The following EDARADD variants were observed in gnomAD, a reference collection of about 807,000 sequenced individuals.
EDARADD encodes ectodysplasin-A receptor-associated adapter protein.
In EDARADD, 20 loss-of-function variants were observed where a neutral mutation model predicts 25.6. That is an observed-to-expected ratio of 0.78 (90% CI 0.55 to 1.14). The LOEUF (loss-of-function observed/expected upper bound fraction) is 1.14, where lower values mean the gene tolerates loss of function less well. Ranked by LOEUF, EDARADD falls within the 50% of genes most tolerant of loss-of-function variation. The pLI, the probability that EDARADD is intolerant of heterozygous loss-of-function variation, is 0.00. For missense variants in EDARADD, 225 were observed against 270.1 expected (o/e 0.83, Z 1.17); for synonymous variants, 86 against 94.4 (o/e 0.91, Z 0.52).
chr1:236,424,902 C>T (rs186060074), intron 3 of EDARADD, among the ~76,000 whole-genome samples: 1 of 152,302 alleles, frequency 6.6e-6, no homozygotes, highest in Admixed American at 6.5e-5. Context: ...TGGATTTTTT[C>T]CTGTCTTGTA....
At chr1:236,411,213 A>T (rs1657469533) in intron 2 of EDARADD, among the ~76,000 whole-genome samples, 1 of 152,118 alleles carries the variant, frequency 6.6e-6, no homozygotes, top group South Asian at 2.1e-4. Flanking sequence ...TGTCCCTCTT[A>T]CTAGTTTCTT....
chr1:236,443,327 G>A (rs1301189403), intron 4 of EDARADD, among the ~76,000 whole-genome samples: 1 of 152,126 alleles, frequency 6.6e-6, no homozygotes, highest in Non-Finnish European at 1.5e-5. Flanking sequence ...AATACATTTG[G>A]TAAGACTAAA....
At chr1:236,349,947 A>C (rs1381647550) in intron 2 of EDARADD, among the ~76,000 whole-genome samples, 1 of 152,160 alleles carries the variant, frequency 6.6e-6, no homozygotes, top group Non-Finnish European at 1.5e-5. Flanking sequence ...CCATGTCTCT[A>C]CTAAAAATAC....
At chr1:236,384,500 C>T (rs1224487927) in intron 3 of EDARADD, among the ~76,000 whole-genome samples, 1 of 152,108 alleles carries the variant, frequency 6.6e-6, no homozygotes, top group Non-Finnish European at 1.5e-5. Flanking sequence ...AAGGGATCTG[C>T]CCACCTCAGC....
At chr1:236,434,230 T>G (rs1187222733) in intron 4 of EDARADD, among the ~76,000 whole-genome samples, 1 of 151,614 alleles carries the variant, frequency 6.6e-6, no homozygotes, top group Non-Finnish European at 1.5e-5. Flanking sequence ...CTTAAAACAT[T>G]ATGAATTTTT....
At chr1:236,382,451 G>A (rs1667312240) in intron 3 of EDARADD, among the ~76,000 whole-genome samples, 1 of 152,078 alleles carries the variant, frequency 6.6e-6, no homozygotes, top group South Asian at 2.1e-4. Flanking sequence ...TCCATTCTGG[G>A]TCTGTTTCAA....
At chr1:236,363,000 A>ATATATATATAT (rs1158321993) in intron 3 of EDARADD, among the ~76,000 whole-genome samples, 14 of 57,274 alleles carry the variant, frequency 2.4e-4, no homozygotes, top group East Asian at 1.6e-3. Flanking sequence ...AAAAAAAAAA[A>ATATATATATAT]AAAAAAATAT....
intron 4 of EDARADD, among the ~76,000 whole-genome samples, chr1:236,454,741 C>G (rs1230158160): frequency 6.6e-6 from 1 of 152,206 alleles, no homozygotes; most frequent in Non-Finnish European, 1.5e-5. Flanking sequence ...CGCCAGATGC[C>G]CAGCTTGTCT....
intron 3 of EDARADD, among the ~76,000 whole-genome samples, chr1:236,363,908 G>A (rs550128231): frequency 7.9e-5 from 12 of 151,926 alleles, no homozygotes; most frequent in Non-Finnish European, 1.2e-4. Flanking sequence ...GCTCACACCC[G>A]CAATCCCAGC....
At chr1:236,356,932 A>G (rs1028734899) in intron 3 of EDARADD, among the ~76,000 whole-genome samples, 6 of 151,966 alleles carry the variant, frequency 3.9e-5, no homozygotes, top group African/African-American at 1.5e-4. Flanking sequence ...AAAAATACAA[A>G]AATTAGCCGG....
At chr1:236,381,876 C>T (rs1667305304) in intron 3 of EDARADD, among the ~76,000 whole-genome samples, 1 of 118,184 alleles carries the variant, frequency 8.5e-6, no homozygotes, top group South Asian at 2.9e-4. Context: ...AACTCTTGGG[C>T]TCAAGCCATC....
At chr1:236,461,111 C>T (rs566988422) in intron 4 of EDARADD, among the ~76,000 whole-genome samples, 7 of 152,228 alleles carry the variant, frequency 4.6e-5, no homozygotes, top group African/African-American at 7.2e-5. Context: ...CATGAGCCAC[C>T]GTGCCCAGCC....
At chr1:236,477,344 T>C (rs753553222) in intron 5 of EDARADD, among the ~76,000 whole-genome samples, 7 of 151,736 alleles carry the variant, frequency 4.6e-5, no homozygotes, top group Non-Finnish European at 1.0e-4. Context: ...TGAAACCCCG[T>C]CTCTACTAAA....
chr1:236,484,193 A>C lies in EDARADD; in HGVS notation c.*1544A>C. On this transcript the variant is annotated 3_prime_UTR_variant, in exon 6 of 6. Coordinates refer to ENST00000334232, the MANE Select transcript of EDARADD (RefSeq NM_145861.4). The surrounding 1 kb of genome is among the most constrained non-coding windows in gnomAD (Gnocchi z 4.1). ...AGAAGTGCAACTGCCTCCTGCTCAAAGTGAACCAGATTCGCTCTGTGACTG... is the reference window on the plus strand; with the variant it reads ...AGAAGTGCAACTGCCTCCTGCTCAACGTGAACCAGATTCGCTCTGTGACTG... The C allele has an allele frequency of 9.0e-7, 1 of 1,110,912 alleles. No individual in the cohort carries two copies. The highest frequency in any genetic ancestry group is 1.4e-6 in the Non-Finnish European group (1 of 721,720). 68.8% of individuals were successfully genotyped at this position (1,110,912 alleles called of 1,614,324 possible).
intron 1 of EDARADD, among the ~76,000 whole-genome samples, chr1:236,402,713 T>C (rs1260470596): frequency 1.3e-5 from 2 of 152,008 alleles, no homozygotes; most frequent in African/African-American, 4.8e-5. Flanking sequence ...CACCTGGCCA[T>C]GAGGCACTTC....
chr1:236,401,130 G>A (rs113832934), intron 1 of EDARADD, among the ~76,000 whole-genome samples: 122 of 151,894 alleles, frequency 8.0e-4, no homozygotes, highest in African/African-American at 2.8e-3. Flanking sequence ...AGGTTGCAGT[G>A]AGCTGAGATC....
At chr1:236,432,694 G>A (rs1658129810) in intron 4 of EDARADD, among the ~76,000 whole-genome samples, 1 of 152,006 alleles carries the variant, frequency 6.6e-6, no homozygotes, top group African/African-American at 2.4e-5. Context: ...AGACCAGCCT[G>A]GCCAACACAG....
intron 4 of EDARADD, among the ~76,000 whole-genome samples, chr1:236,451,993 T>A (rs1658725538): frequency 6.6e-6 from 1 of 152,178 alleles, no homozygotes; most frequent in Non-Finnish European, 1.5e-5. Flanking sequence ...CTGGTGCATG[T>A]GACCCATGGA....
intron 3 of EDARADD, among the ~76,000 whole-genome samples, chr1:236,416,562 A>G (rs763276429): frequency 1.9e-4 from 29 of 152,216 alleles, no homozygotes; most frequent in African/African-American, 4.3e-4. Context: ...ATGAATTTAT[A>G]AGTAACGTGA....
Sources: allele counts gnomAD v4.1 joint callset (sites outside exome capture counted in the v4.1 genomes callset), GRCh38; gene constraint gnomAD v4.1.1; non-coding constraint Gnocchi (gnomAD v3.1); transcripts MANE v1.5; gene names NCBI Gene and HGNC (gene_info 2026-07-23, HGNC 2026-07-21).